LOXHD1: variants seen among roughly 807,000 people sequenced by gnomAD.
LOXHD1 encodes the protein lipoxygenase homology domain-containing protein 1.
Under a neutral mutation model 248.2 loss-of-function variants are expected in LOXHD1, and 205 were observed. The ratio of observed to expected loss-of-function variants is 0.83; its 90% CI spans 0.74 to 0.93. The LOEUF is 0.93. Among genes scored for constraint, LOXHD1 ranks in the 40% least tolerant of loss-of-function variants. LOXHD1 has a pLI of 0.00. For synonymous variants in LOXHD1, 1,113 were observed against 1,162.8 expected (o/e 0.96, Z 0.87); for missense variants, 2,930 against 2,971.6 (o/e 0.99, Z 0.33).
intron 14 of LOXHD1, among the ~76,000 whole-genome samples, chr18:46,573,908 A>G (rs577568652): frequency 1.2e-4 from 19 of 152,288 alleles, no homozygotes; most frequent in Non-Finnish European, 2.1e-4. Context: ...ATGAGCATGC[A>G]ATGGTGAAAT....
rs1598914701 is a variant in LOXHD1, at chr18:46,524,547, T to TGA, written c.4794_4795insTC (p.Ile1599SerfsTer4). The TGA allele has an allele frequency of 6.4e-7, 1 of 1,551,558 alleles. No homozygotes were observed. Among genetic ancestry groups the TGA allele is most frequent in the African/African-American group, 1.4e-5 (1 of 73,028 alleles). On this transcript the variant is annotated frameshift_variant, in exon 31 of 41. Coordinates refer to ENST00000642948, the MANE Select transcript of LOXHD1 (RefSeq NM_001384474.1). LOFTEE classifies it high-confidence loss of function. ...TCGGCCATCTTGGAGCTCAGGGCGA[T>TGA]CTCCCAGAAGTCAGCAGGGCTGCTG...
chr18:46,496,227 T>C (rs1045076288), intron 37 of LOXHD1, among the ~76,000 whole-genome samples: 1 of 152,246 alleles, frequency 6.6e-6, no homozygotes, highest in African/African-American at 2.4e-5. Flanking sequence ...CACTAATTCA[T>C]AATTCTTGAA....
chr18:46,603,378 T>A (rs928930474), intron 7 of LOXHD1, among the ~76,000 whole-genome samples: 12 of 151,944 alleles, frequency 7.9e-5, no homozygotes, highest in Non-Finnish European at 1.6e-4. Flanking sequence ...GAAGACTCTG[T>A]GGGTAGGATG....
At chr18:46,642,177 T>C in intron 2 of LOXHD1, 141 bp from the exon 3 acceptor site, 1 of 769,536 alleles carries the variant, frequency 1.3e-6, no homozygotes, top group Non-Finnish European at 2.2e-6. Flanking sequence ...CATTCCAAGA[T>C]TCCCTTCTGA....
At chr18:46,484,199 T>G (rs528029408) in intron 39 of LOXHD1, among the ~76,000 whole-genome samples, 1 of 152,086 alleles carries the variant, frequency 6.6e-6, no homozygotes, top group South Asian at 2.1e-4. Context: ...AGGCAGCCTG[T>G]GGGGGTAAGT....
At chr18:46,530,815 T>C (rs1467299934) in intron 28 of LOXHD1, among the ~76,000 whole-genome samples, 1 of 152,124 alleles carries the variant, frequency 6.6e-6, no homozygotes, top group African/African-American at 2.4e-5. Flanking sequence ...TGGACACTCC[T>C]TCATGGGTAG....
chr18:46,560,579 C>A, intron 18 of LOXHD1, 34 bp from the exon 19 acceptor site: 1 of 1,492,024 alleles, frequency 6.7e-7, no homozygotes, highest in South Asian at 1.3e-5. Context: ...CTGTCGTGGC[C>A]CCAGCGTCCT....
In LOXHD1 at chr18:46,541,783, G is replaced by A. The variant is rs2036570147; in HGVS notation, c.3906C>T (p.Tyr1302=). The A allele has an allele frequency of 6.4e-7, 1 of 1,551,720 alleles. No homozygotes were observed. Among genetic ancestry groups the A allele is most frequent in the African/African-American group, 1.4e-5 (1 of 73,178 alleles). ...GCCGTGTGTGGTTCCTACATGGTGT[G>A]TACAGCCTCGTCTGAAGCTCTGCAT... ...LFHAELQTRL[Y]TPFVPYEITL... The change falls in exon 25 of 41, where the codon TAC becomes TAT. Residue 1302 remains tyrosine, a synonymous_variant. Coordinates refer to ENST00000642948, the MANE Select transcript of LOXHD1 (RefSeq NM_001384474.1).
chr18:46,563,324 T>A (rs982867538), intron 17 of LOXHD1, 99 bp from the exon 18 acceptor site: 2 of 1,243,022 alleles, frequency 1.6e-6, no homozygotes, highest in Non-Finnish European at 2.1e-6. Context: ...TCCAGGTGCC[T>A]GGCGCTTTAC....
chr18:46,485,241 T>G, intron 38 of LOXHD1, 90 bp from the exon 39 acceptor site: 1 of 1,460,574 alleles, frequency 6.8e-7, no homozygotes. Flanking sequence ...CTCCGGTCCT[T>G]CATTTGATCT....
chr18:46,632,871 C>G (rs889899082), intron 4 of LOXHD1, among the ~76,000 whole-genome samples: 1 of 152,114 alleles, frequency 6.6e-6, no homozygotes, highest in East Asian at 1.9e-4. Flanking sequence ...TGCTTATTCA[C>G]GTGTGATGTC....
rs931322741 is a variant in LOXHD1 at position 46,485,186 on chromosome 18, G to A, written c.6050-35C>T. ...AGGAGGTGGGGGAGGGTCAGCACAG[G>A]GGAAGCAGTGCCCGTCTTCAGGGCG... On this transcript the variant is annotated intron_variant, in intron 38 of 40. Transcript: ENST00000642948. 3 of 1,533,162 alleles carry A rather than the reference G, an allele frequency of 2.0e-6. No homozygotes were observed. The Admixed American group carries it at 6.0e-5, about 30-fold the overall frequency. 95.0% of individuals were successfully genotyped at this position (1,533,162 alleles called of 1,614,324 possible).
Position 46,597,071 on chromosome 18 carries a change from T to C in LOXHD1, c.1135-2605A>G, listed in dbSNP as rs1199372188. Among the ~76,000 whole-genome samples, 9 of 152,140 alleles carry C rather than the reference T, an allele frequency of 5.9e-5. 1 individual carries two copies. Among genetic ancestry groups the C allele is most frequent in the Non-Finnish European group, 1.0e-4 (7 of 68,012 alleles). ...CTGAACAAGCAACTCTATAAAACAA[T>C]GATATCTAATGTGTATGTTTTAAAA... On this transcript the variant is annotated intron_variant, in intron 8 of 40. Transcript: ENST00000642948.
At chr18:46,588,635 C>G (rs1029136485) in intron 12 of LOXHD1, among the ~76,000 whole-genome samples, 1 of 152,210 alleles carries the variant, frequency 6.6e-6, no homozygotes, top group African/African-American at 2.4e-5. Flanking sequence ...ACTTTCTGGA[C>G]AGGAAGCTTA....
At chr18:46,508,641 T>C (rs1419252247) in intron 35 of LOXHD1, among the ~76,000 whole-genome samples, 3 of 152,242 alleles carry the variant, frequency 2.0e-5, no homozygotes, top group Non-Finnish European at 4.4e-5. Flanking sequence ...GACTATAACA[T>C]ACATTATGTA....
chr18:46,604,046 C>G, intron 7 of LOXHD1, 60 bp downstream of exon 7: 1 of 1,545,666 alleles, frequency 6.5e-7, no homozygotes, highest in East Asian at 2.5e-5. Flanking sequence ...CAGATGCCAA[C>G]AGCGACCCTT....
chr18:46,477,468 C>T lies in LOXHD1; in HGVS notation c.*4G>A, dbSNP rs876657856. The T allele has an allele frequency of 1.8e-5, 28 of 1,543,540 alleles. No individual in the cohort carries two copies. The highest frequency in any genetic ancestry group is 2.2e-5 in the Non-Finnish European group (25 of 1,141,710). On this transcript the variant is annotated 3_prime_UTR_variant, in exon 41 of 41. Coordinates refer to ENST00000642948, the MANE Select transcript of LOXHD1 (RefSeq NM_001384474.1). ...CTCAGTGAGAGGGTGGGGGCCCTAG[C>T]CCCTCAGACAGAAGGGAAGAGGTCT...
rs60099172 is a variant in LOXHD1 at position 46,540,654 on chromosome 18, C to CTTTTTT, written c.3913+1116_3913+1121dup. Among the ~76,000 whole-genome samples the CTTTTTT allele has an allele frequency of 4.0e-3, 364 of 91,390 alleles. 11 individuals are homozygous for CTTTTTT. Among genetic ancestry groups the CTTTTTT allele is most frequent in the East Asian group, 7.3e-3 (18 of 2,450 alleles). The allele number at this position is 91,390 out of a possible 152,430, so 60.0% of individuals were successfully genotyped here. The stretch of plus-strand genomic sequence containing the variant: ...AAGTCAAACCATACAAACTCTTTAT[C>CTTTTTT]TTTTTTTTTTTTTTTTTTTTTTTGG... On this transcript the variant is annotated intron_variant, in intron 25 of 40. Coordinates refer to ENST00000642948, the MANE Select transcript of LOXHD1 (RefSeq NM_001384474.1).
In LOXHD1 at chr18:46,483,697, A is replaced by C. The variant is rs1217466857; in HGVS notation, c.6231T>G (p.Ile2077Met). The change falls in exon 40 of 41, where the codon ATT becomes ATG. Residue 2077 changes from isoleucine to methionine, a missense_variant. Coordinates refer to ENST00000642948, the MANE Select transcript of LOXHD1 (RefSeq NM_001384474.1). Reference protein sequence around the residue: ...FEFDSIYLGDIASLCVGHLAR... With the variant: ...FEFDSIYLGDMASLCVGHLAR... ...CAAGGTGGCCCACACAGAGGGAGGC[A>C]ATGTCCCCCAAGTAGATGCTGTCAA... is the stretch of plus-strand genomic sequence containing the variant. 1.3e-6 allele frequency: 2 copies of C among 1,551,636 alleles called. No homozygotes were observed. The highest frequency in any genetic ancestry group is 2.4e-5 in the South Asian group (2 of 84,040).
Sources: allele counts gnomAD v4.1 joint callset (sites outside exome capture counted in the v4.1 genomes callset), GRCh38; gene constraint gnomAD v4.1.1; transcripts MANE v1.5; gene names NCBI Gene and HGNC (gene_info 2026-07-23, HGNC 2026-07-21).